FOXN2: variants seen among roughly 807,000 people sequenced by gnomAD.
FOXN2 encodes the protein forkhead box protein N2.
Under a neutral mutation model 41.2 loss-of-function variants are expected in FOXN2, and 19 were observed. The ratio of observed to expected loss-of-function variants is 0.46; its 90% CI spans 0.32 to 0.68. The LOEUF (loss-of-function observed/expected upper bound fraction) is 0.68. FOXN2 is among the 30% of genes least tolerant of loss of function. The pLI, the probability that FOXN2 is intolerant of heterozygous loss-of-function variation, is 0.03. For missense variants in FOXN2, 587 were observed against 509.4 expected, an observed-to-expected ratio of 1.15 and a Z score of -1.47; for synonymous variants, 195 against 176.8, an observed-to-expected ratio of 1.10 and a Z score of -0.82.
At chr2:48,359,519 C>T (rs1405418320) in intron 4 of FOXN2, among the ~76,000 whole-genome samples, 1 of 152,132 alleles carries the variant, frequency 6.6e-6, no homozygotes, top group Non-Finnish European at 1.5e-5. Flanking sequence ...GTCTCTAACT[C>T]CTGACTTCAA....
Position 48,351,119 on chromosome 2 carries a change from C to G in FOXN2, c.537+4368C>G, listed in dbSNP as rs1350327993. Among the ~76,000 whole-genome samples the G allele has an allele frequency of 2.0e-5, 3 of 151,958 alleles. No individual in the cohort carries two copies. In the East Asian group the frequency reaches 5.8e-4, roughly 30 times the overall value. On this transcript the variant is annotated intron_variant, in intron 3 of 6. Coordinates refer to ENST00000340553, the MANE Select transcript of FOXN2 (RefSeq NM_002158.4). Reference sequence around the variant, plus strand: ...GGGACTGTAGGCATGTACCACCACACCCAGCTAATTTTTTCTAATTTTAGT... The same window carrying G: ...GGGACTGTAGGCATGTACCACCACAGCCAGCTAATTTTTTCTAATTTTAGT...
At chr2:48,349,439 G>A (rs1036825455) in intron 3 of FOXN2, among the ~76,000 whole-genome samples, 1 of 151,934 alleles carries the variant, frequency 6.6e-6, no homozygotes, top group African/African-American at 2.4e-5. Context: ...GATTGTGCCA[G>A]TGCACTCCAG....
chr2:48,332,995 C>T (rs1010875039), intron 2 of FOXN2, among the ~76,000 whole-genome samples: 1 of 140,992 alleles, frequency 7.1e-6, no homozygotes, highest in Non-Finnish European at 1.6e-5. Flanking sequence ...TTTCCTTTTT[C>T]AATTTTTAAA....
At chr2:48,360,683 T>A (rs1389379888) in intron 4 of FOXN2, among the ~76,000 whole-genome samples, 1 of 152,182 alleles carries the variant, frequency 6.6e-6, no homozygotes, top group East Asian at 1.9e-4. Context: ...GAAATTGATA[T>A]CTTTATTAAT....
At chr2:48,346,899 G>A in intron 3 of FOXN2, 148 bp downstream of exon 3, 2 of 641,048 alleles carry the variant, frequency 3.1e-6, no homozygotes, top group Non-Finnish European at 4.9e-6. Flanking sequence ...GTTTTCACTT[G>A]AGATGTTTTA....
chr2:48,348,580 A>T (rs1572739802), intron 3 of FOXN2, among the ~76,000 whole-genome samples: 1 of 152,140 alleles, frequency 6.6e-6, no homozygotes, highest in Non-Finnish European at 1.5e-5. Context: ...GCAGGGACGG[A>T]AGTATGTAAT....
chr2:48,335,036 C>T (rs890366258), intron 2 of FOXN2, among the ~76,000 whole-genome samples: 4 of 152,260 alleles, frequency 2.6e-5, no homozygotes, highest in African/African-American at 9.6e-5. Flanking sequence ...ATATAATCAT[C>T]ATTATCAAAG....
chr2:48,327,151 C>T (rs1187527978), intron 1 of FOXN2, among the ~76,000 whole-genome samples: 2 of 151,942 alleles, frequency 1.3e-5, no homozygotes, highest in African/African-American at 4.8e-5. Flanking sequence ...ACTTGGATAT[C>T]TCACAAATGT....
At chr2:48,348,361 A>G (rs1161203769) in intron 3 of FOXN2, among the ~76,000 whole-genome samples, 1 of 151,806 alleles carries the variant, frequency 6.6e-6, no homozygotes, top group Non-Finnish European at 1.5e-5. Context: ...TTTAATTTCT[A>G]ATGTTTTCAT....
intron 2 of FOXN2, among the ~76,000 whole-genome samples, chr2:48,341,245 A>G (rs893249341): frequency 3.3e-5 from 5 of 152,174 alleles, no homozygotes; most frequent in African/African-American, 1.2e-4. Flanking sequence ...ATGCTGTGCT[A>G]GTGAATGTTT....
At position 48,355,655 on chromosome 2, in the gene FOXN2, T is replaced by A. The variant is rs75348177; in HGVS notation, c.538-3392T>A. Among the ~76,000 whole-genome samples, 606 of 152,290 alleles carry A rather than the reference T, an allele frequency of 4.0e-3. 1 individual carries two copies. The highest frequency in any genetic ancestry group is 6.5e-3 in the Non-Finnish European group (441 of 68,010). The stretch of plus-strand genomic sequence containing the variant: ...GCCAAATATACTTAGTTGCACTAAA[T>A]GTTAGCATTGCATTTGGCAACCTTG... On this transcript the variant is annotated intron_variant, in intron 3 of 6. Coordinates refer to ENST00000340553, the MANE Select transcript of FOXN2 (RefSeq NM_002158.4).
intron 6 of FOXN2, 38 bp from the exon 7 acceptor site, chr2:48,374,882 C>G (rs755112147): frequency 2.6e-6 from 4 of 1,533,720 alleles, no homozygotes; most frequent in Admixed American, 2.0e-5. Flanking sequence ...TGCAACCAAA[C>G]ACATTTGACC....
chr2:48,346,676 A>G lies in FOXN2; in HGVS notation c.462A>G (p.Thr154=), dbSNP rs527534779. 2.7e-5 allele frequency: 43 copies of G among 1,613,062 alleles called. No homozygotes were observed. In the South Asian group the frequency reaches 4.2e-4, roughly 16 times the overall value. ...TTCCATATTTTGCTACTGCACCAAC[A>G]GGCTGGAAGAATTCTGTTCGACATA... The part of the protein sequence containing the change: ...DHFPYFATAP[T]GWKNSVRHNL... Residue 154 remains threonine (T), a synonymous_variant, in exon 3 of 7, where the codon ACA becomes ACG. Transcript: ENST00000340553.
intron 3 of FOXN2, among the ~76,000 whole-genome samples, chr2:48,355,558 T>C (rs1486325364): frequency 6.6e-6 from 1 of 152,154 alleles, no homozygotes; most frequent in Non-Finnish European, 1.5e-5. Flanking sequence ...ATGTGGATTT[T>C]TTTTTTTTAA....
intron 3 of FOXN2, 135 bp downstream of exon 3, chr2:48,346,886 T>C: frequency 2.9e-6 from 2 of 680,644 alleles, no homozygotes; most frequent in Non-Finnish European, 4.6e-6. Flanking sequence ...ATTATATTCA[T>C]TTGTTTTCAC....
chr2:48,358,713 G>A (rs1320983842), intron 3 of FOXN2, among the ~76,000 whole-genome samples: 1 of 152,134 alleles, frequency 6.6e-6, no homozygotes, highest in Middle Eastern at 3.2e-3. Context: ...TGGGAAACAA[G>A]TAAATTTTGT....
Position 48,376,983 on chromosome 2 carries a change from CTTTTAAT to C in FOXN2, c.*1546_*1552del, listed in dbSNP as rs1479537070. On this transcript the variant is annotated 3_prime_UTR_variant, in exon 7 of 7. Coordinates refer to ENST00000340553, the MANE Select transcript of FOXN2 (RefSeq NM_002158.4). ...GCATTTTTTAAGAGACAAATTTTAACTTTTAATTTTTATTTTGGCAAAACTGTCAAAT... is the reference window on the plus strand; with the variant it reads ...GCATTTTTTAAGAGACAAATTTTAACTTTTATTTTGGCAAAACTGTCAAAT... 6.6e-6 allele frequency: 1 copy of C among 152,072 alleles called. No homozygotes were observed. Among genetic ancestry groups the C allele is most frequent in the Non-Finnish European group, 1.5e-5 (1 of 67,870 alleles). The allele number at this position is 152,072 out of a possible 1,614,324, so 9.4% of individuals were successfully genotyped here.
intron 5 of FOXN2, among the ~76,000 whole-genome samples, chr2:48,366,176 G>A (rs1169981409): frequency 6.6e-6 from 1 of 152,108 alleles, no homozygotes; most frequent in Non-Finnish European, 1.5e-5. Context: ...GGCCAACATG[G>A]TGAAACCCCA....
intron 5 of FOXN2, among the ~76,000 whole-genome samples, chr2:48,368,586 A>G (rs1402364459): frequency 1.3e-5 from 2 of 152,164 alleles, no homozygotes; most frequent in African/African-American, 2.4e-5. Flanking sequence ...CAGCTACACG[A>G]GAGGCTGAGG....
Sources: gnomAD v4.1 joint callset for allele counts (sites outside exome capture counted in the v4.1 genomes callset) on GRCh38, gnomAD v4.1.1 for gene constraint, MANE v1.5 for transcripts, NCBI Gene and HGNC (gene_info 2026-07-23, HGNC 2026-07-21) for gene names.